The following ULBP1 variants were observed in gnomAD, a reference collection of about 807,000 sequenced individuals.
ULBP1 encodes UL16-binding protein 1.
In ULBP1, 28 loss-of-function variants were observed where a neutral mutation model predicts 25.3. The ratio of observed to expected loss-of-function variants is 1.10; its 90% confidence interval spans 0.82 to 1.51. The LOEUF (loss-of-function observed/expected upper bound fraction) is 1.51, where lower values mean the gene tolerates loss of function less well. Ranked by LOEUF, ULBP1 falls within the 40% of genes most tolerant of loss-of-function variation. ULBP1 has a pLI of 0.00. For synonymous variants in ULBP1, 129 were observed against 103.0 expected, an observed-to-expected ratio of 1.25 and a Z score of -1.53; for missense variants, 348 against 290.9, an observed-to-expected ratio of 1.20 and a Z score of -1.43.
intron 3 of ULBP1, 46 bp from the exon 4 acceptor site, chr6:149,969,970 A>ATTTTGAGCCTGGACAAGGGTTGTCACTCC: frequency 1.9e-6 from 3 of 1,572,370 alleles, no homozygotes; most frequent in Non-Finnish European, 2.6e-6. Context: ...ATCCCCTAAG[A>ATTTTGAGCCTGGACAAGGGTTGTCACTCC]TTTTGAGCCT....
chr6:149,964,119 C>A lies in ULBP1; in HGVS notation c.70C>A (p.Arg24=). ...TCTGCACCTGCTGTCTGGCTGGTCC[C>A]GGGCAGGATGGGTCGGTGAGTTCGG... is the stretch of plus-strand genomic sequence containing the variant. The part of the protein sequence containing the change: ...PLLHLLSGWS[R]AGWVDTHCLC... Residue 24 remains arginine, a synonymous_variant, in exon 1 of 5, where the codon CGG becomes AGG. Coordinates refer to ENST00000229708, the MANE Select transcript of ULBP1 (RefSeq NM_025218.4). The A allele has an allele frequency of 6.2e-7, 1 of 1,614,218 alleles. No individual in the cohort carries two copies. The highest frequency in any genetic ancestry group is 1.1e-5 in the South Asian group (1 of 91,086).
intron 4 of ULBP1, 100 bp downstream of exon 4, chr6:149,970,247 A>C: frequency 8.9e-6 from 13 of 1,456,374 alleles, no homozygotes; most frequent in African/African-American, 1.4e-5. Flanking sequence ...GGAACTTCTC[A>C]TCCTGACATT....
At chr6:149,968,502 C>T in intron 1 of ULBP1, 105 bp from the exon 2 acceptor site, 1 of 1,457,620 alleles carries the variant, frequency 6.9e-7, no homozygotes, top group East Asian at 2.3e-5. Context: ...GGTCTGCCAG[C>T]CCAGCCCCTC....
At chr6:149,970,470 A>G (rs1252206109) in intron 4 of ULBP1, among the ~76,000 whole-genome samples, 1 of 152,210 alleles carries the variant, frequency 6.6e-6, no homozygotes, top group Non-Finnish European at 1.5e-5. Flanking sequence ...CAGGCAGCAG[A>G]AACTCAGGCA....
Position 149,972,845 on chromosome 6 carries a change from G to C in ULBP1, c.*1499G>C, listed in dbSNP as rs1188344243. Reference sequence around the variant, plus strand: ...TCACAAAGTCAGAGATGGTGGTGAGGCTGCAGAGCAAAAGAAACAGACACT... The same window carrying C: ...TCACAAAGTCAGAGATGGTGGTGAGCCTGCAGAGCAAAAGAAACAGACACT... On this transcript the variant is annotated 3_prime_UTR_variant, in exon 5 of 5. Coordinates refer to ENST00000229708, the MANE Select transcript of ULBP1 (RefSeq NM_025218.4). The C allele has an allele frequency of 1.3e-5, 2 of 152,194 alleles. No individual in the cohort carries two copies. The highest frequency in any genetic ancestry group is 3.8e-4 in the East Asian group (2 of 5,198). 9.4% of individuals were successfully genotyped at this position (152,194 alleles called of 1,614,324 possible). A position where few individuals can be genotyped will look rare whatever the true frequency, so the allele number is the denominator to read the frequency against.
In ULBP1 at chr6:149,964,109, T is replaced by C; in HGVS notation, c.60T>C (p.Ser20=). ...GCCTCCCGCTTCTGCACCTGCTGTC[T>C]GGCTGGTCCCGGGCAGGATGGGTCG... ...LLCLPLLHLL[S]GWSRAGWVDT... is the part of the protein sequence containing the mutation. The change falls in exon 1 of 5, where the codon TCT becomes TCC. Residue 20 remains serine (S), a synonymous_variant. Transcript: ENST00000229708. 1 of 1,614,212 alleles carries C rather than the reference T, an allele frequency of 6.2e-7. No homozygotes were observed. Among genetic ancestry groups the C allele is most frequent in the Non-Finnish European group, 8.5e-7 (1 of 1,180,040 alleles).
At position 149,969,210 on chromosome 6, in the gene ULBP1, A is replaced by C. The variant is rs747536921; in HGVS notation, c.475A>C (p.Thr159Pro). Residue 159 changes from threonine (T) to proline (P), a missense_variant, in exon 3 of 5, where the codon ACA (threonine) becomes CCA (proline). By Grantham distance (38) the Thr-to-Pro change is conservative. Transcript: ENST00000229708. ...LLFDSNNRKWTALHPGAKKMT... is the reference protein window; with the variant it reads ...LLFDSNNRKWPALHPGAKKMT... Reference sequence around the variant, plus strand: ...CTTTGACTCAAACAACAGAAAGTGGACAGCACTTCATCCTGGAGCCAAGAA... The same window carrying C: ...CTTTGACTCAAACAACAGAAAGTGGCCAGCACTTCATCCTGGAGCCAAGAA... The C allele has an allele frequency of 6.2e-7, 1 of 1,614,252 alleles. No individual in the cohort carries two copies. Among genetic ancestry groups the C allele is most frequent in the Admixed American group, 1.7e-5 (1 of 60,026 alleles).
At position 149,970,083 on chromosome 6, in the gene ULBP1, C is replaced by A. The variant is rs200616602; in HGVS notation, c.693C>A (p.Ser231Arg). The A allele has an allele frequency of 1.9e-6, 3 of 1,613,146 alleles. No homozygotes were observed. In the Admixed American group the frequency reaches 5.0e-5, roughly 27 times the overall value. The change falls in exon 4 of 5, where the codon AGC (serine) becomes AGA (arginine). Residue 231 changes from serine to arginine, a missense_variant. Ser to Arg is a moderately radical substitution (Grantham distance 110). Transcript: ENST00000229708. Reference sequence around the variant, plus strand: ...TGGCCACCACCCTCAGTCCCTGGAGCCTTCTCATCATCTTCCTCTGCTTCA... The same window carrying A: ...TGGCCACCACCCTCAGTCCCTGGAGACTTCTCATCATCTTCCTCTGCTTCA... ...KAMATTLSPW[S>R]LLIIFLCFIL...
chr6:149,965,241 G>C (rs191571973), intron 1 of ULBP1, among the ~76,000 whole-genome samples: 17 of 109,008 alleles, frequency 1.6e-4, no homozygotes, highest in Admixed American at 1.3e-3. Flanking sequence ...CGAACATCGC[G>C]GCCTCCCCGA....
At chr6:149,969,480 G>T (rs569398230) in intron 3 of ULBP1, 120 bp downstream of exon 3, 5 of 1,394,102 alleles carry the variant, frequency 3.6e-6, no homozygotes, top group South Asian at 1.3e-5. Context: ...CCTCATGGGG[G>T]GCTCCTCCTG....
At chr6:149,966,985 C>T (rs1364985902) in intron 1 of ULBP1, among the ~76,000 whole-genome samples, 1 of 152,170 alleles carries the variant, frequency 6.6e-6, no homozygotes, top group East Asian at 1.9e-4. Flanking sequence ...CGTCACCCCT[C>T]ATCACAGGGT....
rs1186630608 is a variant in ULBP1, at chr6:149,972,676, C to T, written c.*1330C>T. ...AATTCAACAAGCAAGAAGAAAAAACCCAATTAAAATTGGGCAAAGGCATGA... is the reference window on the plus strand; with the variant it reads ...AATTCAACAAGCAAGAAGAAAAAACTCAATTAAAATTGGGCAAAGGCATGA... On this transcript the variant is annotated 3_prime_UTR_variant, in exon 5 of 5. Transcript: ENST00000229708. 6.6e-6 allele frequency: 1 copy of T among 152,100 alleles called. No homozygotes were observed. The highest frequency in any genetic ancestry group is 1.5e-5 in the Non-Finnish European group (1 of 68,018). The allele number at this position is 152,100 out of a possible 1,614,324, so 9.4% of individuals were successfully genotyped here. A position where few individuals can be genotyped will look rare whatever the true frequency, so the allele number is the denominator to read the frequency against.
intron 1 of ULBP1, 67 bp from the exon 2 acceptor site, chr6:149,968,540 G>T: frequency 1.3e-6 from 2 of 1,548,108 alleles, no homozygotes; most frequent in Non-Finnish European, 1.7e-6. Context: ...GTCACCATAA[G>T]TGGGAGGAGG....
At position 149,972,661 on chromosome 6, in the gene ULBP1, G is replaced by A. The variant is rs1779338606; in HGVS notation, c.*1315G>A. 6.6e-6 allele frequency: 1 copy of A among 152,124 alleles called. No individual in the cohort carries two copies. The highest frequency in any genetic ancestry group is 6.5e-5 in the Admixed American group (1 of 15,280). The allele number at this position is 152,124 out of a possible 1,614,324, so 9.4% of individuals were successfully genotyped here. ...ACAAGGAACTTAAACAATTCAACAAGCAAGAAGAAAAAACCCAATTAAAAT... is the reference window on the plus strand; with the variant it reads ...ACAAGGAACTTAAACAATTCAACAAACAAGAAGAAAAAACCCAATTAAAAT... On this transcript the variant is annotated 3_prime_UTR_variant, in exon 5 of 5. Transcript: ENST00000229708.
chr6:149,970,923 G>A (rs1779304451), intron 4 of ULBP1, among the ~76,000 whole-genome samples: 1 of 152,240 alleles, frequency 6.6e-6, no homozygotes, highest in Non-Finnish European at 1.5e-5. Context: ...GCAGGGCAAG[G>A]ACAGTCCCAT....
intron 2 of ULBP1, 105 bp from the exon 3 acceptor site, chr6:149,968,980 A>T (rs1779256525): frequency 6.4e-7 from 1 of 1,554,604 alleles, no homozygotes; most frequent in Admixed American, 1.9e-5. Flanking sequence ...GTTGAGGAGC[A>T]TGGGCCGGAT....
At position 149,969,077 on chromosome 6, in the gene ULBP1, T is replaced by TGGGGCAGAGCCCCTCACCCTGC; in HGVS notation, c.350-7_364dup. 1 of 1,613,472 alleles carries TGGGGCAGAGCCCCTCACCCTGC rather than the reference T, an allele frequency of 6.2e-7. No homozygotes were observed. Among genetic ancestry groups the TGGGGCAGAGCCCCTCACCCTGC allele is most frequent in the Non-Finnish European group, 8.5e-7 (1 of 1,179,586 alleles). ...AAGATCAGAGCTGATCTCTTTGCAA[T>TGGGGCAGAGCCCCTCACCCTGC]GGGGCAGAGCCCCTCACCCTGCAGG... On this transcript the variant is annotated splice_polypyrimidine_tract_variant and splice_region_variant and intron_variant, in intron 2 of 4. Coordinates refer to ENST00000229708, the MANE Select transcript of ULBP1 (RefSeq NM_025218.4).
chr6:149,965,441 A>C (rs1717628253), intron 1 of ULBP1, among the ~76,000 whole-genome samples: 1 of 152,216 alleles, frequency 6.6e-6, no homozygotes, highest in Non-Finnish European at 1.5e-5. Flanking sequence ...CTGAAAAGGA[A>C]TTGCAGGAGG....
chr6:149,966,581 C>G (rs545083363), intron 1 of ULBP1, among the ~76,000 whole-genome samples: 7 of 152,232 alleles, frequency 4.6e-5, no homozygotes, highest in African/African-American at 1.7e-4. Context: ...GGATCGGGGC[C>G]AACTGCTTGT....
Sources: allele counts gnomAD v4.1 joint callset (sites outside exome capture counted in the v4.1 genomes callset), GRCh38; gene constraint gnomAD v4.1.1; transcripts MANE v1.5; gene names NCBI Gene and HGNC (gene_info 2026-07-23, HGNC 2026-07-21).